HIF1A: variants seen among roughly 807,000 people sequenced by gnomAD.
HIF1A encodes hypoxia-inducible factor 1-alpha.
In HIF1A, 24 loss-of-function variants were observed where a neutral mutation model predicts 92.7. The observed-to-expected ratio is 0.26, with a 90% CI of 0.19 to 0.36. HIF1A has a LOEUF of 0.36. Among genes scored for constraint, HIF1A ranks in the 10% least tolerant of loss-of-function variants. The pLI is 1.00. For synonymous variants in HIF1A, 319 were observed against 338.7 expected (o/e 0.94, Z 0.64); for missense variants, 799 against 998.5 (o/e 0.80, Z 2.69).
intron 1 of HIF1A, among the ~76,000 whole-genome samples, chr14:61,711,137 C>T (rs935602373): frequency 6.7e-6 from 1 of 149,478 alleles, no homozygotes; most frequent in African/African-American, 2.5e-5. Context: ...CTGTGGAAAC[C>T]AAAGTTAGTA....
chr14:61,747,088 T>C lies in HIF1A; in HGVS notation c.*3T>C. 1 of 1,598,102 alleles carries C rather than the reference T, an allele frequency of 6.3e-7. No homozygotes were observed. The highest frequency in any genetic ancestry group is 8.5e-7 in the Non-Finnish European group (1 of 1,175,552). ...GAGCTTTGGATCAAGTTAACTGAGC[T>C]TTTTCTTAATTTCATTCCTTTTTTT... On this transcript the variant is annotated 3_prime_UTR_variant, in exon 15 of 15. Coordinates refer to ENST00000337138, the MANE Select transcript of HIF1A (RefSeq NM_001530.4).
chr14:61,714,404 T>A (rs1245145409), intron 1 of HIF1A, among the ~76,000 whole-genome samples: 1 of 152,246 alleles, frequency 6.6e-6, no homozygotes, highest in Non-Finnish European at 1.5e-5. Context: ...TAAAATTCCT[T>A]CAAATATGCT....
chr14:61,712,463 T>C (rs1463679915), intron 1 of HIF1A, among the ~76,000 whole-genome samples: 3 of 151,196 alleles, frequency 2.0e-5, no homozygotes, highest in African/African-American at 7.3e-5. Context: ...CAGAGAGGAG[T>C]GATATGACTT....
intron 7 of HIF1A, among the ~76,000 whole-genome samples, 178 bp from the exon 8 acceptor site, chr14:61,733,960 T>C (rs1378905877): frequency 2.6e-5 from 4 of 152,274 alleles, no homozygotes; most frequent in African/African-American, 9.6e-5. Flanking sequence ...AAAAAGGAAA[T>C]GGGTACATTT....
intron 2 of HIF1A, 41 bp downstream of exon 2, chr14:61,720,613 G>A: frequency 8.2e-7 from 1 of 1,222,486 alleles, no homozygotes; most frequent in Non-Finnish European, 1.1e-6. Context: ...CTGAAAATTA[G>A]AAGTTAGAAG....
At chr14:61,721,858 G>C in intron 4 of HIF1A, 35 bp downstream of exon 4, 1 of 1,477,322 alleles carries the variant, frequency 6.8e-7, no homozygotes, top group Non-Finnish European at 9.5e-7. Context: ...TAATGTGACA[G>C]GTGGTTTTAC....
intron 12 of HIF1A, among the ~76,000 whole-genome samples, chr14:61,742,674 C>G (rs1056187064): frequency 6.6e-6 from 1 of 151,802 alleles, no homozygotes; most frequent in Non-Finnish European, 1.5e-5. Context: ...TCACCTGAGG[C>G]CAAGAGTTTC....
chr14:61,697,453 A>G (rs1183769868), intron 1 of HIF1A, among the ~76,000 whole-genome samples: 3 of 152,340 alleles, frequency 2.0e-5, no homozygotes, highest in East Asian at 3.9e-4. Context: ...TAAATTATGT[A>G]CCACTTTTTT....
chr14:61,696,361 G>T (rs1234283842), intron 1 of HIF1A, among the ~76,000 whole-genome samples: 1 of 152,244 alleles, frequency 6.6e-6, no homozygotes, highest in Non-Finnish European at 1.5e-5. Context: ...TTGAGTTCCC[G>T]ACTGAGGGAC....
chr14:61,700,017 C>T (rs1056566055), intron 1 of HIF1A, among the ~76,000 whole-genome samples: 1 of 151,790 alleles, frequency 6.6e-6, no homozygotes, highest in Non-Finnish European at 1.5e-5. Context: ...TATTTATTTG[C>T]CAGACATGAT....
intron 14 of HIF1A, 141 bp from the exon 15 acceptor site, chr14:61,746,793 A>G: frequency 3.4e-6 from 2 of 589,008 alleles, no homozygotes; most frequent in Non-Finnish European, 5.9e-6. Flanking sequence ...ACTTTTTAAC[A>G]TAGTTGTGGT....
At chr14:61,720,712 T>C (rs2044416660) in intron 2 of HIF1A, 140 bp downstream of exon 2, 3 of 439,858 alleles carry the variant, frequency 6.8e-6, no homozygotes, top group African/African-American at 6.1e-5. Context: ...TAAAAATTTT[T>C]CTGTAATTCT....
intron 1 of HIF1A, among the ~76,000 whole-genome samples, chr14:61,703,147 GTTCT>G (rs2044196615): frequency 6.6e-6 from 1 of 152,182 alleles, no homozygotes; most frequent in Non-Finnish European, 1.5e-5. Flanking sequence ...CGGCCTCATG[GTTCT>G]TTCTTAATAA....
In HIF1A at chr14:61,747,041, C is replaced by T. The variant is rs145319047; in HGVS notation, c.2437C>T (p.Leu813=). ...TCCTATACAAGGCAGCAGAAACCTA[C>T]TGCAGGGTGAAGAATTACTCAGAGC... is the stretch of plus-strand genomic sequence containing the variant. The part of the protein sequence containing the change: ...NAPIQGSRNL[L]QGEELLRALD... The change falls in exon 15 of 15, where the codon CTG becomes TTG. Residue 813 remains leucine, a synonymous_variant. Coordinates refer to ENST00000337138, the MANE Select transcript of HIF1A (RefSeq NM_001530.4). 6.9e-5 allele frequency: 111 copies of T among 1,613,412 alleles called. No homozygotes were observed. Among genetic ancestry groups the T allele is most frequent in the Non-Finnish European group, 8.9e-5 (105 of 1,179,788 alleles).
chr14:61,719,685 A>T (rs188294703), intron 1 of HIF1A, among the ~76,000 whole-genome samples: 136 of 152,270 alleles, frequency 8.9e-4, no homozygotes, highest in Non-Finnish European at 1.8e-3. Context: ...TATTTTTGCT[A>T]ACCTATCCCT....
At position 61,727,470 on chromosome 14, in the gene HIF1A, C is replaced by T; in HGVS notation, c.588C>T (p.Gly196=). ...ATACACAGGTATTGCACTGCACAGG[C>T]CACATTCACGTATATGATACCAACA... The part of the protein sequence containing the change: ...SATWKVLHCT[G]HIHVYDTNSN... The change falls in exon 6 of 15, where the codon GGC becomes GGT. Residue 196 remains glycine (G), a synonymous_variant. Transcript: ENST00000337138. 1.2e-6 allele frequency: 2 copies of T among 1,613,154 alleles called. No homozygotes were observed. Among genetic ancestry groups the T allele is most frequent in the Non-Finnish European group, 1.7e-6 (2 of 1,179,300 alleles).
chr14:61,720,355 C>T (rs1410903125), intron 1 of HIF1A, 27 bp from the exon 2 acceptor site: 2 of 1,554,870 alleles, frequency 1.3e-6, no homozygotes, highest in Admixed American at 1.9e-5. Context: ...CTTTCCATCT[C>T]GTGTTTTTCT....
rs753493493 is a variant in HIF1A at position 61,738,097 on chromosome 14, T to C, written c.1260T>C (p.Thr420=). The change falls in exon 10 of 15, where the codon ACT becomes ACC. Residue 420 remains threonine, a synonymous_variant. Coordinates refer to ENST00000337138, the MANE Select transcript of HIF1A (RefSeq NM_001530.4). ...ATTTTTTCCCCACAGACACAGAAAC[T>C]GATGACCAGCAACTTGAGGAAGTAC... ...SLDFGSNDTE[T]DDQQLEEVPL... The C allele has an allele frequency of 5.0e-6, 8 of 1,599,574 alleles. No individual in the cohort carries two copies. The Admixed American group carries it at 1.2e-4, about 24-fold the overall frequency.
At chr14:61,726,102 G>A (rs997428059) in intron 4 of HIF1A, among the ~76,000 whole-genome samples, 3 of 152,168 alleles carry the variant, frequency 2.0e-5, no homozygotes, top group Admixed American at 6.6e-5. Context: ...TTACAGGCAT[G>A]AGCCACCGTG....
Sources: gnomAD v4.1 joint callset for allele counts (sites outside exome capture counted in the v4.1 genomes callset) on GRCh38, gnomAD v4.1.1 for gene constraint, MANE v1.5 for transcripts, NCBI Gene and HGNC (gene_info 2026-07-23, HGNC 2026-07-21) for gene names.